Variants in MTARC2 observed in about 807,000 individuals in gnomAD.
MTARC2 encodes mitochondrial amidoxime reducing component 2.
In MTARC2, 27 loss-of-function variants were observed where a neutral mutation model predicts 35.6. The ratio of observed to expected loss-of-function variants is 0.76; its 90% confidence interval spans 0.56 to 1.04. The LOEUF is 1.04. Ranked by LOEUF, MTARC2 falls within the 50% of genes least tolerant of loss-of-function variation. The pLI, the probability that MTARC2 is intolerant of heterozygous loss-of-function variation, is 0.00. For missense variants in MTARC2, 412 were observed against 432.5 expected (o/e 0.95, Z 0.42); for synonymous variants, 158 against 167.1 (o/e 0.95, Z 0.42).
chr1:220,755,475 G>A (rs912376824), intron 2 of MTARC2, among the ~76,000 whole-genome samples: 7 of 152,174 alleles, frequency 4.6e-5, no homozygotes, highest in African/African-American at 1.7e-4. Context: ...GAGGGAGCAG[G>A]GGGAACATGT....
At chr1:220,763,266 G>A (rs1037227238) in intron 4 of MTARC2, among the ~76,000 whole-genome samples, 2 of 152,038 alleles carry the variant, frequency 1.3e-5, no homozygotes, top group African/African-American at 4.8e-5. Flanking sequence ...TTAATGCTTG[G>A]GCCCCAAAGC....
intron 4 of MTARC2, among the ~76,000 whole-genome samples, chr1:220,771,996 A>G (rs1387538008): frequency 6.6e-6 from 1 of 152,216 alleles, no homozygotes; most frequent in Non-Finnish European, 1.5e-5. Flanking sequence ...AGTATGGTTT[A>G]TACAATATTG....
chr1:220,777,044 A>G (rs1421764015), intron 4 of MTARC2, among the ~76,000 whole-genome samples: 1 of 152,214 alleles, frequency 6.6e-6, no homozygotes, highest in African/African-American at 2.4e-5. Flanking sequence ...GTTGTCTTGT[A>G]GTTCTTCGCA....
At chr1:220,763,623 C>A (rs1446150784) in intron 4 of MTARC2, among the ~76,000 whole-genome samples, 1 of 152,096 alleles carries the variant, frequency 6.6e-6, no homozygotes, top group Non-Finnish European at 1.5e-5. Flanking sequence ...CCAGTAGAAA[C>A]CCTGAACTCT....
chr1:220,778,432 G>T (rs1014710418), intron 4 of MTARC2, among the ~76,000 whole-genome samples: 2 of 152,052 alleles, frequency 1.3e-5, no homozygotes, highest in African/African-American at 2.4e-5. Context: ...AAGGGGAAGT[G>T]CCAGACACTT....
chr1:220,749,331 C>T (rs1244827924), intron 1 of MTARC2, among the ~76,000 whole-genome samples: 1 of 152,120 alleles, frequency 6.6e-6, no homozygotes, highest in Non-Finnish European at 1.5e-5. Flanking sequence ...TAGTGTCCCC[C>T]CTTCTCCCAT....
chr1:220,774,625 A>G (rs925442782), intron 4 of MTARC2, among the ~76,000 whole-genome samples: 1 of 152,018 alleles, frequency 6.6e-6, no homozygotes, highest in African/African-American at 2.4e-5. Context: ...CTCAAGGAAC[A>G]GAATCCCAAA....
At position 220,753,356 on chromosome 1, in the gene MTARC2, A is replaced by G. The variant is rs571824735; in HGVS notation, c.273-1591A>G. ...AAGACAGTTACTGGAATGCCTTTAC[A>G]CTGCCACACCATCATAATGCCAGTT... On this transcript the variant is annotated intron_variant, in intron 1 of 7. Coordinates refer to ENST00000366913, the MANE Select transcript of MTARC2 (RefSeq NM_017898.5). Among the ~76,000 whole-genome samples, 14 of 152,362 alleles carry G rather than the reference A, an allele frequency of 9.2e-5. No homozygotes were observed. In the South Asian group the frequency reaches 2.9e-3, roughly 32 times the overall value.
chr1:220,773,385 C>T (rs1292525870), intron 4 of MTARC2, among the ~76,000 whole-genome samples: 1 of 152,212 alleles, frequency 6.6e-6, no homozygotes, highest in Non-Finnish European at 1.5e-5. Context: ...TTGCCCTAGA[C>T]AGCATTTCCA....
chr1:220,769,566 G>GT (rs1242609180), intron 4 of MTARC2, among the ~76,000 whole-genome samples: 1 of 152,146 alleles, frequency 6.6e-6, no homozygotes, highest in Non-Finnish European at 1.5e-5. Context: ...GAGCAAAGTC[G>GT]TAACTGGCAG....
intron 1 of MTARC2, among the ~76,000 whole-genome samples, chr1:220,753,215 G>A (rs942252546): frequency 6.6e-6 from 1 of 151,840 alleles, no homozygotes; most frequent in African/African-American, 2.4e-5. Flanking sequence ...GTGACAGAGT[G>A]AGACTCCGTC....
intron 2 of MTARC2, among the ~76,000 whole-genome samples, chr1:220,759,451 G>A (rs1401698391): frequency 6.6e-6 from 1 of 152,018 alleles, no homozygotes; most frequent in Non-Finnish European, 1.5e-5. Flanking sequence ...ACCATCCAGT[G>A]CAGGGATGGG....
chr1:220,774,958 T>C (rs556683227), intron 4 of MTARC2, among the ~76,000 whole-genome samples: 6 of 152,214 alleles, frequency 3.9e-5, no homozygotes, highest in African/African-American at 7.2e-5. Context: ...TGTGTGCGTG[T>C]GTGTGTGTGT....
At chr1:220,769,831 G>A (rs1164092564) in intron 4 of MTARC2, among the ~76,000 whole-genome samples, 2 of 143,056 alleles carry the variant, frequency 1.4e-5, no homozygotes, top group Non-Finnish European at 3.0e-5. Flanking sequence ...TGATAGAACC[G>A]CTGCATTGGC....
In MTARC2 at chr1:220,780,170, G is replaced by T; in HGVS notation, c.815G>T (p.Cys272Phe). 6.2e-7 allele frequency: 1 copy of T among 1,613,036 alleles called. No individual in the cohort carries two copies. The highest frequency in any genetic ancestry group is 8.5e-7 in the Non-Finnish European group (1 of 1,179,612). The change falls in exon 6 of 8, where the codon TGT becomes TTT. Residue 272 changes from cysteine (C) to phenylalanine (F), a missense_variant and splice_region_variant. Coordinates refer to ENST00000366913, the MANE Select transcript of MTARC2 (RefSeq NM_017898.5). Reference sequence around the variant, plus strand: ...AACCCTTGGTTACTGCATAACAGGTGTATTTTGACAACGGTGGACCCAGAC... The same window carrying T: ...AACCCTTGGTTACTGCATAACAGGTTTATTTTGACAACGGTGGACCCAGAC... ...EVKKVMACPR[C>F]ILTTVDPDTG...
chr1:220,762,328 T>C (rs745401935), intron 3 of MTARC2, among the ~76,000 whole-genome samples: 1 of 152,084 alleles, frequency 6.6e-6, no homozygotes, highest in Non-Finnish European at 1.5e-5. Flanking sequence ...TAATACAGAG[T>C]GCCGACATGT....
rs188542220 is a variant in MTARC2, at chr1:220,772,115, C to T, written c.751-7903C>T. 4.7e-3 allele frequency among the ~76,000 whole-genome samples: 718 copies of T among 152,270 alleles called. 10 individuals are homozygous for T. The highest frequency in any genetic ancestry group is 0.016 in the African/African-American group (666 of 41,550). On this transcript the variant is annotated intron_variant, in intron 4 of 7. Coordinates refer to ENST00000366913, the MANE Select transcript of MTARC2 (RefSeq NM_017898.5). ...TTCCAGTGGTTCCATGTTAGTCCAT[C>T]CTGTGACTCTGCAATAACTTGTTTA...
intron 4 of MTARC2, among the ~76,000 whole-genome samples, chr1:220,771,142 T>C (rs746564265): frequency 1.3e-5 from 2 of 152,006 alleles, no homozygotes; most frequent in Non-Finnish European, 2.9e-5. Flanking sequence ...CTATTAAAAA[T>C]ACGAAAATTA....
intron 4 of MTARC2, among the ~76,000 whole-genome samples, chr1:220,776,958 C>T (rs1477089792): frequency 6.6e-6 from 1 of 152,158 alleles, no homozygotes; most frequent in East Asian, 1.9e-4. Context: ...TCCTTACTTC[C>T]CAGTACAGTA....
Sources: allele counts gnomAD v4.1 joint callset (sites outside exome capture counted in the v4.1 genomes callset), GRCh38; gene constraint gnomAD v4.1.1; transcripts MANE v1.5; gene names NCBI Gene and HGNC (gene_info 2026-07-23, HGNC 2026-07-21).